Variants in ZNF565 observed in about 807,000 individuals in gnomAD.
ZNF565 encodes zinc finger protein 565.
ZNF565 carries 27 observed loss-of-function variants against 39.4 expected under a neutral mutation model. The observed-to-expected ratio is 0.69, with a 90% CI of 0.51 to 0.95. The LOEUF is 0.95. ZNF565 is among the 40% of genes least tolerant of loss of function. The pLI, the probability that ZNF565 is intolerant of heterozygous loss-of-function variation, is 0.00. For missense variants in ZNF565, 524 were observed against 621.1 expected, an observed-to-expected ratio of 0.84 and a Z score of 1.66; for synonymous variants, 185 against 216.6, an observed-to-expected ratio of 0.85 and a Z score of 1.28.
At chr19:36,217,891 A>G (rs1319263358), upstream of ZNF565, among the ~76,000 whole-genome samples, 1 of 152,072 alleles carries the variant, frequency 6.6e-6, no homozygotes, top group East Asian at 1.9e-4. Context: ...ATCTCAAAAA[A>G]AAAAAAAAAA....
chr19:36,217,362 C>T (rs1976655631), upstream of ZNF565, among the ~76,000 whole-genome samples: 1 of 150,984 alleles, frequency 6.6e-6, no homozygotes, highest in Non-Finnish European at 1.5e-5. Flanking sequence ...GGTGCCTGGC[C>T]GACCCTGTCT....
At chr19:36,190,526 A>C (rs1975493248) in intron 4 of ZNF565, among the ~76,000 whole-genome samples, 1 of 151,286 alleles carries the variant, frequency 6.6e-6, no homozygotes, top group Non-Finnish European at 1.5e-5. Context: ...CGATGAGCGG[A>C]GATCTCGCCA....
chr19:36,221,323 C>G (rs1174855574), intron 1 of ZNF565, among the ~76,000 whole-genome samples: 1 of 124,846 alleles, frequency 8.0e-6, no homozygotes, highest in African/African-American at 3.1e-5. Flanking sequence ...GAGTCTCACT[C>G]TGTCCCCTAG....
chr19:36,243,641 A>G (rs1474024050), intron 1 of ZNF565, among the ~76,000 whole-genome samples: 1 of 152,006 alleles, frequency 6.6e-6, no homozygotes, highest in Non-Finnish European at 1.5e-5. Flanking sequence ...TATGAGAGAA[A>G]TGCCTTCCTT....
intron 4 of ZNF565, among the ~76,000 whole-genome samples, chr19:36,192,341 A>G (rs1975588144): frequency 6.6e-6 from 1 of 152,196 alleles, no homozygotes; most frequent in Non-Finnish European, 1.5e-5. Context: ...ACAGAGAAGA[A>G]CATAACATCA....
chr19:36,184,056 C>T (rs543045214), intron 4 of ZNF565, among the ~76,000 whole-genome samples: 11 of 106,768 alleles, frequency 1.0e-4, no homozygotes, highest in South Asian at 6.7e-4. Flanking sequence ...CCAGCCTGGG[C>T]GACAGAGCAA....
rs559302052 is a variant in ZNF565 at position 36,234,888 on chromosome 19, G to A, written c.55+10588C>T. On this transcript the variant is annotated intron_variant, in intron 1 of 4. Coordinates refer to the ZNF565 transcript ENST00000355114. Reference sequence around the variant, plus strand: ...AAGGTGTGTCCAGTCCTTTGTTCTCGTGACTGGACAGTGCATGTTCAACTG... The same window carrying A: ...AAGGTGTGTCCAGTCCTTTGTTCTCATGACTGGACAGTGCATGTTCAACTG... Among the ~76,000 whole-genome samples the A allele has an allele frequency of 7.9e-5, 12 of 152,192 alleles. No homozygotes were observed. The East Asian group carries it at 1.7e-3, about 22-fold the overall frequency.
intron 1 of ZNF565, among the ~76,000 whole-genome samples, chr19:36,225,142 A>T (rs1209904899): frequency 1.3e-5 from 2 of 152,142 alleles, no homozygotes; most frequent in African/African-American, 4.8e-5. Context: ...TCAGATACAG[A>T]TTATGATTAT....
chr19:36,229,272 TCTCTGCCATCGTAGATCCATGGACTC>T (rs1977216013), intron 1 of ZNF565, among the ~76,000 whole-genome samples: 1 of 152,242 alleles, frequency 6.6e-6, no homozygotes, highest in South Asian at 2.1e-4. Context: ...TTCTCACTCA[TCTCTGCCATCGTAGATCCATGGACTC>T]CTCTGCCTAC....
chr19:36,184,422 A>G (rs1487224955), intron 4 of ZNF565, among the ~76,000 whole-genome samples: 1 of 151,734 alleles, frequency 6.6e-6, no homozygotes, highest in African/African-American at 2.4e-5. Context: ...CTGCTACCAC[A>G]CCCAGCTAAT....
intron 1 of ZNF565, among the ~76,000 whole-genome samples, chr19:36,222,815 T>G (rs1319921749): frequency 2.2e-5 from 3 of 134,270 alleles, no homozygotes; most frequent in Non-Finnish European, 5.1e-5. Flanking sequence ...TCATTTGCAT[T>G]TGGACATTGT....
chr19:36,205,400 G>A (rs772575723), intron 1 of ZNF565, among the ~76,000 whole-genome samples: 1 of 151,998 alleles, frequency 6.6e-6, no homozygotes, highest in Non-Finnish European at 1.5e-5. Flanking sequence ...GGTGGGGGGC[G>A]CTTATAATCC....
At chr19:36,224,898 T>C (rs1013805093) in intron 1 of ZNF565, among the ~76,000 whole-genome samples, 2 of 152,212 alleles carry the variant, frequency 1.3e-5, no homozygotes. Flanking sequence ...ATGTTTTGTT[T>C]TATGTTGCTA....
intron 1 of ZNF565, chr19:36,235,666 C>A (rs1977620338): frequency 6.6e-6 from 1 of 152,052 alleles, no homozygotes; most frequent in African/African-American, 2.4e-5. Context: ...TAGAAGAAGC[C>A]TGAGAAGATG....
Position 36,195,066 on chromosome 19 carries a change from C to T in ZNF565, c.100G>A (p.Val34Met). ...AAGTGACCAAAGTTCTCCAGAGTCA[C>T]CTCCCTGTACAAGTCCCTCTGAGCA... is the stretch of plus-strand genomic sequence containing the variant. ...EPAQRDLYRE[V>M]TLENFGHLAS... Residue 34 changes from valine to methionine, a missense_variant, in exon 3 of 5, where the codon GTG (valine) becomes ATG (methionine). By Grantham distance (21) the Val-to-Met change is conservative. Coordinates refer to ENST00000304116, the MANE Select transcript of ZNF565 (RefSeq NM_152477.5). The T allele has an allele frequency of 1.9e-6, 3 of 1,614,178 alleles. No individual in the cohort carries two copies. Among genetic ancestry groups the T allele is most frequent in the Non-Finnish European group, 2.5e-6 (3 of 1,180,036 alleles).
intron 4 of ZNF565, among the ~76,000 whole-genome samples, chr19:36,184,939 G>A (rs1975233310): frequency 6.6e-6 from 1 of 152,074 alleles, no homozygotes; most frequent in Non-Finnish European, 1.5e-5. Context: ...CCAACATGGA[G>A]AAACCCTGTC....
chr19:36,241,203 A>C (rs758480757), intron 1 of ZNF565, among the ~76,000 whole-genome samples: 10 of 152,176 alleles, frequency 6.6e-5, no homozygotes, highest in Non-Finnish European at 1.3e-4. Context: ...TTAAAAAATG[A>C]TGTCGGGGGC....
chr19:36,206,911 G>A (rs1428113015), intron 1 of ZNF565, among the ~76,000 whole-genome samples: 1 of 152,172 alleles, frequency 6.6e-6, no homozygotes, highest in Non-Finnish European at 1.5e-5. Context: ...ATTAAGGGGA[G>A]AGGGAGTTTT....
rs551721975 is a variant in ZNF565, at chr19:36,234,500, A to T, written c.55+10976T>A. On this transcript the variant is annotated intron_variant, in intron 1 of 4. Coordinates refer to the ZNF565 transcript ENST00000355114. ...CCCAGAATGCCTTCCATAGTTTTTT[A>T]AAATTACAGAATGTAATCAGGGTTC... Among the ~76,000 whole-genome samples the T allele has an allele frequency of 1.5e-4, 23 of 152,338 alleles. No individual in the cohort carries two copies. The South Asian group carries it at 4.8e-3, about 32-fold the overall frequency.
Sources: allele counts gnomAD v4.1 joint callset (sites outside exome capture counted in the v4.1 genomes callset), GRCh38; gene constraint gnomAD v4.1.1; transcripts MANE v1.5; gene names NCBI Gene and HGNC (gene_info 2026-07-23, HGNC 2026-07-21).